The following FAM163A variants were observed in gnomAD, a reference collection of about 807,000 sequenced individuals.
The protein encoded by FAM163A is family with sequence similarity 163 member A.
Under a neutral mutation model 12.0 loss-of-function variants are expected in FAM163A, and 7 were observed. The ratio of observed to expected loss-of-function variants is 0.58; its 90% CI spans 0.33 to 1.10. The LOEUF is 1.10. Among genes scored for constraint, FAM163A ranks in the 50% least tolerant of loss-of-function variants. The pLI is 0.03. For missense variants in FAM163A, 202 were observed against 218.6 expected (o/e 0.92, Z 0.48); for synonymous variants, 101 against 91.0 (o/e 1.11, Z -0.62).
At chr1:179,806,446 G>A (rs1449296472) in intron 1 of FAM163A, among the ~76,000 whole-genome samples, 1 of 152,114 alleles carries the variant, frequency 6.6e-6, no homozygotes, top group African/African-American at 2.4e-5. Context: ...CGGGGACAGG[G>A]CTGTTCTGTC....
chr1:179,759,730 AAT>A (rs1438125252), intron 1 of FAM163A, among the ~76,000 whole-genome samples: 1 of 151,880 alleles, frequency 6.6e-6, no homozygotes, highest in Non-Finnish European at 1.5e-5. Flanking sequence ...GCGGCGGCAC[AAT>A]GTTGTCTCAC....
intron 1 of FAM163A, among the ~76,000 whole-genome samples, chr1:179,756,745 A>G (rs1686076605): frequency 6.6e-6 from 1 of 151,932 alleles, no homozygotes; most frequent in Admixed American, 6.6e-5. Context: ...ATGGTGGGGG[A>G]AGTGTGGAGT....
At chr1:179,795,939 C>T (rs1195425219) in intron 1 of FAM163A, among the ~76,000 whole-genome samples, 4 of 103,952 alleles carry the variant, frequency 3.8e-5, no homozygotes, top group Admixed American at 3.5e-4. Flanking sequence ...CCTATAGATC[C>T]TATGACAGGA....
At chr1:179,785,844 G>A (rs1690536328) in intron 1 of FAM163A, among the ~76,000 whole-genome samples, 1 of 152,238 alleles carries the variant, frequency 6.6e-6, no homozygotes, top group Middle Eastern at 3.4e-3. Context: ...TATTCTACAT[G>A]TGCCATAGTG....
At chr1:179,777,342 T>A (rs1259991517) in intron 1 of FAM163A, among the ~76,000 whole-genome samples, 1 of 152,204 alleles carries the variant, frequency 6.6e-6, no homozygotes, top group Non-Finnish European at 1.5e-5. Flanking sequence ...TAAACTTCAG[T>A]TTTTGATGCA....
intron 1 of FAM163A, among the ~76,000 whole-genome samples, chr1:179,763,972 T>C (rs1687146293): frequency 6.6e-6 from 1 of 152,182 alleles, no homozygotes; most frequent in Non-Finnish European, 1.5e-5. Context: ...TGCTTTTAAA[T>C]ATTATTTCTC....
At chr1:179,811,579 C>T (rs1694710410) in intron 2 of FAM163A, among the ~76,000 whole-genome samples, 1 of 152,182 alleles carries the variant, frequency 6.6e-6, no homozygotes, top group Non-Finnish European at 1.5e-5. Flanking sequence ...GCTGCTGGTC[C>T]ACAGAGCGGG....
chr1:179,731,013 A>AT, the FAM163A span, among the ~76,000 whole-genome samples: 2 of 152,138 alleles, frequency 1.3e-5, no homozygotes, highest in Non-Finnish European at 2.9e-5. Context: ...ATTTTTATTT[A>AT]TTTTTTATTT....
intron 1 of FAM163A, among the ~76,000 whole-genome samples, chr1:179,753,409 A>T (rs1186130556): frequency 6.6e-6 from 1 of 152,232 alleles, no homozygotes; most frequent in Non-Finnish European, 1.5e-5. Context: ...TGCACTTCAA[A>T]ATCTGTTAAG....
chr1:179,768,078 T>C (rs185519163), intron 1 of FAM163A, among the ~76,000 whole-genome samples: 1 of 152,358 alleles, frequency 6.6e-6, no homozygotes, highest in East Asian at 1.9e-4. Context: ...AGATACGTCA[T>C]ATGAGTGGAA....
rs986845151 is a variant in FAM163A at position 179,814,212 on chromosome 1, A to G, written c.*23A>G. 1.3e-6 allele frequency: 2 copies of G among 1,573,210 alleles called. No individual in the cohort carries two copies. Among genetic ancestry groups the G allele is most frequent in the Non-Finnish European group, 1.7e-6 (2 of 1,156,480 alleles). On this transcript the variant is annotated 3_prime_UTR_variant, in exon 5 of 5. Coordinates refer to ENST00000341785, the MANE Select transcript of FAM163A (RefSeq NM_173509.3). The stretch of plus-strand genomic sequence containing the variant: ...TAAATCCTTCCACCCCGACCCGCAC[A>G]CACACCCACACTGCTGCCCTGGCGG...
chr1:179,743,776 T>C (rs1221522079), intron 1 of FAM163A, among the ~76,000 whole-genome samples: 1 of 152,104 alleles, frequency 6.6e-6, no homozygotes, highest in Non-Finnish European at 1.5e-5. Flanking sequence ...GCCGGGTCCC[T>C]GCCCCCGGGC....
intron 1 of FAM163A, among the ~76,000 whole-genome samples, chr1:179,767,402 CCT>C (rs1480056621): frequency 2.6e-5 from 4 of 152,166 alleles, no homozygotes; most frequent in Non-Finnish European, 5.9e-5. Context: ...AGCTCCCTCC[CCT>C]CCACTGCCAG....
At chr1:179,727,846 G>A in the FAM163A span, among the ~76,000 whole-genome samples, 6 of 152,346 alleles carry the variant, frequency 3.9e-5, no homozygotes, top group East Asian at 7.7e-4. Flanking sequence ...GAAAAACACA[G>A]TGAGTGGTGT....
intron 1 of FAM163A, among the ~76,000 whole-genome samples, chr1:179,761,875 C>A (rs1034448592): frequency 6.6e-6 from 1 of 152,048 alleles, no homozygotes; most frequent in African/African-American, 2.4e-5. Context: ...ACATTCTTCC[C>A]TTTTACCTCA....
rs577572877 is a variant in FAM163A at position 179,753,830 on chromosome 1, T to G, written c.-136+10407T>G. ...AAAGGGTGAGGACAGTAGAGAAAGA[T>G]GATAATATTGGAGCACTTATTAACT... On this transcript the variant is annotated intron_variant, in intron 1 of 4. Coordinates refer to ENST00000341785, the MANE Select transcript of FAM163A (RefSeq NM_173509.3). 3.3e-5 allele frequency among the ~76,000 whole-genome samples: 5 copies of G among 152,250 alleles called. No homozygotes were observed. The South Asian group carries it at 1.0e-3, about 32-fold the overall frequency.
the FAM163A span, among the ~76,000 whole-genome samples, chr1:179,727,818 G>A: frequency 6.6e-6 from 1 of 152,210 alleles, no homozygotes; most frequent in South Asian, 2.1e-4. Flanking sequence ...TGGAAGCATA[G>A]AGAAGAGAAG....
At position 179,806,842 on chromosome 1, in the gene FAM163A, G is replaced by A. The variant is rs553653866; in HGVS notation, c.-135-956G>A. On this transcript the variant is annotated intron_variant, in intron 1 of 4. Transcript: ENST00000341785. ...GTCCTGGCCGGGCATAGTGGTTCAA[G>A]CCTGTAATCCCAGCACTTTGGGAGG... is the stretch of plus-strand genomic sequence containing the variant. Among the ~76,000 whole-genome samples, 6 of 151,694 alleles carry A rather than the reference G, an allele frequency of 4.0e-5. No homozygotes were observed. In the East Asian group the frequency reaches 7.9e-4, roughly 20 times the overall value.
At position 179,815,095 on chromosome 1, in the gene FAM163A, ACGCG is replaced by A. The variant is rs3075114; in HGVS notation, c.*918_*921del. The stretch of plus-strand genomic sequence containing the variant: ...TGCATAACCGTTCCCAGGTGTACGC[ACGCG>A]CGCGCGCGCGCACAGACACACACAC... On this transcript the variant is annotated 3_prime_UTR_variant, in exon 5 of 5. Transcript: ENST00000341785. The A allele has an allele frequency of 0.17, 21,840 of 128,874 alleles. 1,740 individuals carry two copies. Among genetic ancestry groups the A allele is most frequent in the Middle Eastern group, 0.28 (76 of 274 alleles). 8.0% of individuals were successfully genotyped at this position (128,874 alleles called of 1,614,324 possible).
Sources: gnomAD v4.1 joint callset for allele counts (sites outside exome capture counted in the v4.1 genomes callset) on GRCh38, gnomAD v4.1.1 for gene constraint, MANE v1.5 for transcripts, NCBI Gene and HGNC (gene_info 2026-07-23, HGNC 2026-07-21) for gene names.